The following OBI1 variants were observed in gnomAD, a reference collection of about 807,000 sequenced individuals.
OBI1 encodes the protein ORC ubiquitin ligase 1.
Under a neutral mutation model 62.4 loss-of-function variants are expected in OBI1, and 59 were observed. The ratio of observed to expected loss-of-function variants is 0.95; its 90% CI spans 0.77 to 1.17. The LOEUF is 1.17. OBI1 is among the 50% of genes most tolerant of loss of function. The pLI is 0.00. For synonymous variants in OBI1, 302 were observed against 292.8 expected, an observed-to-expected ratio of 1.03 and a Z score of -0.32; for missense variants, 875 against 830.9, an observed-to-expected ratio of 1.05 and a Z score of -0.65.
At chr13:78,648,099 C>G (rs1876437251) in intron 1 of OBI1, among the ~76,000 whole-genome samples, 1 of 152,064 alleles carries the variant, frequency 6.6e-6, no homozygotes, top group Non-Finnish European at 1.5e-5. Context: ...AAATGGCAGA[C>G]AAACCTGAAC....
At chr13:78,656,645 A>G (rs1876710082) in intron 1 of OBI1, among the ~76,000 whole-genome samples, 1 of 135,322 alleles carries the variant, frequency 7.4e-6, no homozygotes, top group South Asian at 2.6e-4. Context: ...ATGAGTGGTA[A>G]GTGGTAGATT....
intron 1 of OBI1, among the ~76,000 whole-genome samples, chr13:78,645,429 G>C (rs2137461622): frequency 6.6e-6 from 1 of 152,206 alleles, no homozygotes; most frequent in Non-Finnish European, 1.5e-5. Context: ...CACTGTTACA[G>C]AATAACAGCA....
intron 1 of OBI1, among the ~76,000 whole-genome samples, chr13:78,656,145 G>A (rs940037429): frequency 6.6e-6 from 1 of 152,166 alleles, no homozygotes; most frequent in African/African-American, 2.4e-5. Flanking sequence ...TATAGTAAAA[G>A]CTAACAGTTA....
At chr13:78,642,422 A>G (rs1876247028) in intron 2 of OBI1, among the ~76,000 whole-genome samples, 2 of 152,214 alleles carry the variant, frequency 1.3e-5, no homozygotes, top group African/African-American at 4.8e-5. Context: ...AAATACCTTC[A>G]GTAACACATC....
chr13:78,615,819 T>C lies in OBI1; in HGVS notation c.1942A>G (p.Thr648Ala), dbSNP rs1350951545. 1.9e-6 allele frequency: 3 copies of C among 1,613,960 alleles called. No individual in the cohort carries two copies. The highest frequency in any genetic ancestry group is 1.7e-5 in the Admixed American group (1 of 59,994). The change falls in exon 6 of 6, where the codon ACA becomes GCA. Residue 648 changes from threonine (T) to alanine (A), a missense_variant. By Grantham distance (58) the Thr-to-Ala change is moderately conservative. Coordinates refer to ENST00000282003, the MANE Select transcript of OBI1 (RefSeq NM_024546.4). Reference sequence around the variant, plus strand: ...AACAAAATGCCCTGGGAAAACTCTGTCTGAAACAAGCAGCTTGGGGGTTTG... The same window carrying C: ...AACAAAATGCCCTGGGAAAACTCTGCCTGAAACAAGCAGCTTGGGGGTTTG... ...EIKPPSCLFQTEFSQGILLSS... is the reference protein window; with the variant it reads ...EIKPPSCLFQAEFSQGILLSS...
At chr13:78,658,956 G>GC in intron 1 of OBI1, 93 bp downstream of exon 1, 1 of 1,140,308 alleles carries the variant, frequency 8.8e-7, no homozygotes, top group South Asian at 1.3e-5. Context: ...CGCGCCTCAC[G>GC]CCCCTTCCCC....
At chr13:78,644,533 T>C (rs1263614366) in intron 2 of OBI1, among the ~76,000 whole-genome samples, 1 of 152,102 alleles carries the variant, frequency 6.6e-6, no homozygotes, top group Non-Finnish European at 1.5e-5. Context: ...ACCTACTTTA[T>C]GAAGCCCTTC....
At chr13:78,653,207 T>C (rs1195876854) in intron 1 of OBI1, among the ~76,000 whole-genome samples, 1 of 152,206 alleles carries the variant, frequency 6.6e-6, no homozygotes, top group Non-Finnish European at 1.5e-5. Flanking sequence ...CATTTTGGAC[T>C]GAAGAAAGTC....
chr13:78,644,914 A>C lies in OBI1; in HGVS notation c.156T>G (p.Cys52Trp). ...GAGTGATGGGGACTCTGCAAGCTGGACACTGGCTATTATTCTTCAACCACA... is the reference window on the plus strand; with the variant it reads ...GAGTGATGGGGACTCTGCAAGCTGGCCACTGGCTATTATTCTTCAACCACA... ...IDLWLKNNSQ[C>W]PACRVPITPE... Residue 52 changes from cysteine to tryptophan, a missense_variant, in exon 2 of 6, where the codon TGT becomes TGG. By Grantham distance (215) the Cys-to-Trp change is radical (BLOSUM62 -2). Coordinates refer to ENST00000282003, the MANE Select transcript of OBI1 (RefSeq NM_024546.4). 2.5e-6 allele frequency: 4 copies of C among 1,614,082 alleles called. No homozygotes were observed. Among genetic ancestry groups the C allele is most frequent in the Non-Finnish European group, 3.4e-6 (4 of 1,179,972 alleles).
intron 1 of OBI1, among the ~76,000 whole-genome samples, chr13:78,653,535 C>T (rs967811990): frequency 5.9e-5 from 9 of 152,184 alleles, no homozygotes; most frequent in African/African-American, 2.2e-4. Flanking sequence ...GATTCAACTG[C>T]AAAATCATGT....
At chr13:78,651,458 T>C (rs939142703) in intron 1 of OBI1, among the ~76,000 whole-genome samples, 5 of 152,170 alleles carry the variant, frequency 3.3e-5, no homozygotes, top group African/African-American at 1.2e-4. Flanking sequence ...ATTTCAATAT[T>C]TGACACAATG....
At chr13:78,620,606 C>T (rs193199686) in intron 5 of OBI1, 23 of 436,950 alleles carry the variant, frequency 5.3e-5, no homozygotes, top group African/African-American at 5.2e-4. Flanking sequence ...CTGATACATA[C>T]ATTCTGGATG....
chr13:78,632,986 C>A (rs1311076847), intron 5 of OBI1, among the ~76,000 whole-genome samples: 1 of 152,192 alleles, frequency 6.6e-6, no homozygotes, highest in African/African-American at 2.4e-5. Context: ...TTCTTCAGTT[C>A]TTTATCCAGT....
At position 78,616,335 on chromosome 13, in the gene OBI1, G is replaced by C. The variant is rs1292078615; in HGVS notation, c.1426C>G (p.Gln476Glu). 6.2e-7 allele frequency: 1 copy of C among 1,613,958 alleles called. No individual in the cohort carries two copies. The highest frequency in any genetic ancestry group is 1.3e-5 in the African/African-American group (1 of 75,018). Residue 476 changes from glutamine to glutamate, a missense_variant, in exon 6 of 6, where the codon CAA becomes GAA. Gln to Glu is a conservative substitution (Grantham distance 29). Transcript: ENST00000282003. ...TCTGAACTTTCAAAATCTAAGTTTTGGGCATAGCTTGTGGAACAACAGTCC... is the reference window on the plus strand; with the variant it reads ...TCTGAACTTTCAAAATCTAAGTTTTCGGCATAGCTTGTGGAACAACAGTCC... ...FWDCCSTSYA[Q>E]NLDFESSEGN...
At position 78,635,190 on chromosome 13, in the gene OBI1, T is replaced by G. The variant is rs1335230719; in HGVS notation, c.558A>C (p.Lys186Asn). 1 of 1,592,000 alleles carries G rather than the reference T, an allele frequency of 6.3e-7. No individual in the cohort carries two copies. The highest frequency in any genetic ancestry group is 1.3e-5 in the African/African-American group (1 of 74,374). ...DDVDKLKEAN[K>N]KLKLENGGLV... is the part of the protein sequence containing the mutation. The stretch of plus-strand genomic sequence containing the variant: ...GACCACCATTTTCCAATTTCAATTT[T>G]TTATTTGCCTAAAATAACAAATTGA... The change falls in exon 5 of 6, where the codon AAA becomes AAC. Residue 186 changes from lysine to asparagine, a missense_variant. Coordinates refer to ENST00000282003, the MANE Select transcript of OBI1 (RefSeq NM_024546.4).
At chr13:78,646,162 G>A (rs1157094869) in intron 1 of OBI1, among the ~76,000 whole-genome samples, 2 of 152,176 alleles carry the variant, frequency 1.3e-5, no homozygotes, top group Non-Finnish European at 2.9e-5. Flanking sequence ...GAGGAAGAAA[G>A]AAAAGAGAAG....
In OBI1 at chr13:78,618,630, A is replaced by G. The variant is rs113459340; in HGVS notation, c.639-1508T>C. Among the ~76,000 whole-genome samples the G allele has an allele frequency of 5.2e-3, 793 of 151,894 alleles. 3 individuals carry two copies. Among genetic ancestry groups the G allele is most frequent in the African/African-American group, 0.018 (736 of 41,466 alleles). On this transcript the variant is annotated intron_variant, in intron 5 of 5. Transcript: ENST00000282003. ...ATTAGAAAGGGCTTTAAAAGACATGATTGCTGAATATTGATTTACTCACTG... is the reference window on the plus strand; with the variant it reads ...ATTAGAAAGGGCTTTAAAAGACATGGTTGCTGAATATTGATTTACTCACTG...
chr13:78,636,038 C>T (rs1876020691), intron 4 of OBI1, among the ~76,000 whole-genome samples: 1 of 152,112 alleles, frequency 6.6e-6, no homozygotes, highest in South Asian at 2.1e-4. Context: ...GTTAGGATTA[C>T]AGGTATGAGC....
intron 1 of OBI1, among the ~76,000 whole-genome samples, chr13:78,650,939 T>C (rs1346563288): frequency 1.3e-5 from 2 of 152,138 alleles, no homozygotes; most frequent in Non-Finnish European, 2.9e-5. Context: ...TGAATCACTC[T>C]TTTTACTTAT....
Sources: allele counts gnomAD v4.1 joint callset (sites outside exome capture counted in the v4.1 genomes callset), GRCh38; gene constraint gnomAD v4.1.1; transcripts MANE v1.5; gene names NCBI Gene and HGNC (gene_info 2026-07-23, HGNC 2026-07-21).